MEF2D: variants seen among roughly 807,000 people sequenced by gnomAD.
MEF2D encodes the protein myocyte-specific enhancer factor 2D.
In MEF2D, 10 loss-of-function variants were observed where a neutral mutation model predicts 59.3. The observed-to-expected ratio is 0.17, with a 90% CI of 0.10 to 0.29. The LOEUF (loss-of-function observed/expected upper bound fraction) is 0.29, where lower values mean the gene tolerates loss of function less well. Ranked by LOEUF, MEF2D falls within the 10% of genes least tolerant of loss-of-function variation. The pLI is 1.00. For missense variants in MEF2D, 508 were observed against 699.4 expected (o/e 0.73, Z 3.09); for synonymous variants, 305 against 295.0 (o/e 1.03, Z -0.35).
At chr1:156,490,834 T>C (rs528984076) in intron 1 of MEF2D, among the ~76,000 whole-genome samples, 1 of 152,192 alleles carries the variant, frequency 6.6e-6, no homozygotes, top group East Asian at 1.9e-4. Flanking sequence ...CCAGTGAGGG[T>C]CTGTCTCCTG....
At chr1:156,479,143 T>G in intron 6 of MEF2D, 147 bp downstream of exon 6, 1 of 601,890 alleles carries the variant, frequency 1.7e-6, no homozygotes, top group East Asian at 3.4e-5. Context: ...ATCCAGGGGC[T>G]TAAAAATCTC....
intron 3 of MEF2D, 109 bp from the exon 4 acceptor site, chr1:156,481,080 C>A: frequency 2.0e-6 from 3 of 1,504,994 alleles, no homozygotes; most frequent in South Asian, 2.4e-5. Flanking sequence ...CGACCTCCTT[C>A]TTCAGGGTTC....
rs375477389 is a variant in MEF2D, at chr1:156,483,220, G to A, written c.54+19C>T. The A allele has an allele frequency of 4.6e-5, 75 of 1,613,716 alleles. No homozygotes were observed. Among genetic ancestry groups the A allele is most frequent in the African/African-American group, 1.2e-4 (9 of 74,886 alleles). Reference sequence around the variant, plus strand: ...CTCCCTGCCCTCACCCACTTCGTACGGCTCTAGGACTTCCCTACCTGTCGG... The same window carrying A: ...CTCCCTGCCCTCACCCACTTCGTACAGCTCTAGGACTTCCCTACCTGTCGG... On this transcript the variant is annotated intron_variant, in intron 2 of 11. Transcript: ENST00000348159.
chr1:156,474,724 C>A (rs1671451694), intron 9 of MEF2D, among the ~76,000 whole-genome samples: 1 of 151,992 alleles, frequency 6.6e-6, no homozygotes, highest in African/African-American at 2.4e-5. Context: ...GCAGGAGGAT[C>A]ACTTGAGCCC....
At chr1:156,485,164 T>C (rs551431580) in intron 1 of MEF2D, among the ~76,000 whole-genome samples, 2 of 152,230 alleles carry the variant, frequency 1.3e-5, no homozygotes, top group East Asian at 3.9e-4. Context: ...CTGCACCCAC[T>C]GCACACTACC....
intron 1 of MEF2D, among the ~76,000 whole-genome samples, chr1:156,493,182 G>A (rs1359994066): frequency 6.6e-6 from 1 of 152,186 alleles, no homozygotes; most frequent in Non-Finnish European, 1.5e-5. Context: ...TAAGAGAGAG[G>A]GGAAAGAGTC....
At chr1:156,480,363 A>G (rs1671914829) in intron 4 of MEF2D, among the ~76,000 whole-genome samples, 1 of 152,094 alleles carries the variant, frequency 6.6e-6, no homozygotes, top group Non-Finnish European at 1.5e-5. Context: ...AAACATCTGG[A>G]CAAAGAGCAC....
At chr1:156,486,547 T>G (rs976408618) in intron 1 of MEF2D, among the ~76,000 whole-genome samples, 3 of 152,206 alleles carry the variant, frequency 2.0e-5, no homozygotes, top group Non-Finnish European at 4.4e-5. Context: ...CCACCTTTAG[T>G]TCATAACCGA....
At chr1:156,469,156 G>T in intron 9 of MEF2D, 136 bp from the exon 10 acceptor site, 1 of 1,216,162 alleles carries the variant, frequency 8.2e-7, no homozygotes, top group South Asian at 1.7e-5. Context: ...AATTCAAGAA[G>T]ACCACAAAAA....
At chr1:156,486,452 C>A (rs533949959) in intron 1 of MEF2D, among the ~76,000 whole-genome samples, 1 of 152,324 alleles carries the variant, frequency 6.6e-6, no homozygotes, top group East Asian at 1.9e-4. Flanking sequence ...AAAACCCAAT[C>A]TAGACTGTTA....
chr1:156,464,112 C>T lies in MEF2D; in HGVS notation c.*3533G>A, dbSNP rs1263565673. The T allele has an allele frequency of 6.6e-6, 1 of 152,544 alleles. No homozygotes were observed. The highest frequency in any genetic ancestry group is 1.5e-5 in the Non-Finnish European group (1 of 68,032). 9.4% of individuals were successfully genotyped at this position (152,544 alleles called of 1,614,324 possible). A position where few individuals can be genotyped will look rare whatever the true frequency, so the allele number is the denominator to read the frequency against. ...CCCTCCCCCCATACAAATACCATTCCTTCTACCAACTGCTTTAAGGGGTGG... is the reference window on the plus strand; with the variant it reads ...CCCTCCCCCCATACAAATACCATTCTTTCTACCAACTGCTTTAAGGGGTGG... On this transcript the variant is annotated 3_prime_UTR_variant, in exon 12 of 12. Transcript: ENST00000348159.
At chr1:156,469,136 A>C (rs956714830) in intron 9 of MEF2D, 116 bp from the exon 10 acceptor site, 2 of 1,356,524 alleles carry the variant, frequency 1.5e-6, no homozygotes, top group Admixed American at 2.7e-5. Flanking sequence ...GTGTAATGAC[A>C]GATGTAAGGA....
intron 1 of MEF2D, chr1:156,499,405 G>A (rs1673340627): frequency 6.6e-6 from 1 of 152,122 alleles, no homozygotes; most frequent in Non-Finnish European, 1.5e-5. Flanking sequence ...GGGAGGCAGA[G>A]GGAGGCTCCC....
At chr1:156,476,865 T>C (rs1193508156) in intron 7 of MEF2D, 147 bp downstream of exon 7, 1 of 974,040 alleles carries the variant, frequency 1.0e-6, no homozygotes, top group Non-Finnish European at 1.5e-6. Flanking sequence ...GGAAGAAAAA[T>C]CTCATAAAAA....
In MEF2D at chr1:156,482,477, T is replaced by C. The variant is rs767404406; in HGVS notation, c.218A>G (p.Asn73Ser). ...DKVLLKYTEYNEPHESRTNAD... is the reference protein window; with the variant it reads ...DKVLLKYTEYSEPHESRTNAD... ...GTTGGTGCGGCTCTCGTGTGGCTCA[T>C]TGTACTCCGTGTACTTGAGCAGCAC... The change falls in exon 3 of 12, where the codon AAT becomes AGT. Residue 73 changes from asparagine (N) to serine (S), a missense_variant. Asn to Ser is a conservative substitution (Grantham distance 46). Coordinates refer to ENST00000348159, the MANE Select transcript of MEF2D (RefSeq NM_005920.4). 3 of 1,614,096 alleles carry C rather than the reference T, an allele frequency of 1.9e-6. No individual in the cohort carries two copies. Among genetic ancestry groups the C allele is most frequent in the East Asian group, 2.2e-5 (1 of 44,898 alleles).
At chr1:156,493,608 G>A (rs777465364) in intron 1 of MEF2D, among the ~76,000 whole-genome samples, 11 of 152,210 alleles carry the variant, frequency 7.2e-5, no homozygotes, top group Non-Finnish European at 1.3e-4. Flanking sequence ...ACAAGGCTAT[G>A]CAGATACATG....
At position 156,468,629 on chromosome 1, in the gene MEF2D, G is replaced by A; in HGVS notation, c.1247+151C>T. The A allele has an allele frequency of 7.5e-7, 1 of 1,335,898 alleles. No individual in the cohort carries two copies. Among genetic ancestry groups the A allele is most frequent in the Non-Finnish European group, 1.0e-6 (1 of 980,646 alleles). The allele number at this position is 1,335,898 out of a possible 1,614,324, so 82.8% of individuals were successfully genotyped here. ...TTGGGTCTGTACAAGAGAGCCCAGG[G>A]GTGCCACTGTTGCCTAACAGACTGT... On this transcript the variant is annotated intron_variant, in intron 10 of 11. Transcript: ENST00000348159. The surrounding 1 kb of genome is among the most constrained non-coding windows in gnomAD (Gnocchi z 4.3).
intron 6 of MEF2D, among the ~76,000 whole-genome samples, chr1:156,477,544 C>T (rs1441411318): frequency 6.6e-6 from 1 of 152,208 alleles, no homozygotes; most frequent in Non-Finnish European, 1.5e-5. Flanking sequence ...ACCCAAGCCT[C>T]TCCCTGTCTT....
chr1:156,485,701 CT>C lies in MEF2D; in HGVS notation c.-138-2272del, dbSNP rs534807814. 9.8e-3 allele frequency among the ~76,000 whole-genome samples: 1,314 copies of C among 134,544 alleles called. 8 individuals are homozygous for C. Among genetic ancestry groups the C allele is most frequent in the Admixed American group, 0.021 (287 of 13,574 alleles). 88.3% of individuals were successfully genotyped at this position (134,544 alleles called of 152,430 possible). A position where few individuals can be genotyped will look rare whatever the true frequency, so the allele number is the denominator to read the frequency against. ...CACCCAGGTAATTTATTAATAATTT[CT>C]TTTTTTTTTTTTTGGTAGATACAGG... On this transcript the variant is annotated intron_variant, in intron 1 of 11. Transcript: ENST00000348159.
Sources: gnomAD v4.1 joint callset for allele counts (sites outside exome capture counted in the v4.1 genomes callset) on GRCh38, gnomAD v4.1.1 for gene constraint, Gnocchi (gnomAD v3.1) non-coding constraint, MANE v1.5 for transcripts, NCBI Gene and HGNC (gene_info 2026-07-23, HGNC 2026-07-21) for gene names.